MOGAT1: variants seen among roughly 807,000 people sequenced by gnomAD.
MOGAT1 encodes the protein 2-acylglycerol O-acyltransferase 1.
In MOGAT1, 32 loss-of-function variants were observed where a neutral mutation model predicts 31.4. The ratio of observed to expected loss-of-function variants is 1.02; its 90% CI spans 0.77 to 1.37. The LOEUF (loss-of-function observed/expected upper bound fraction) is 1.37. Among genes scored for constraint, MOGAT1 ranks in the 40% most tolerant of loss-of-function variants. The pLI, the probability that MOGAT1 is intolerant of heterozygous loss-of-function variation, is 0.00. For missense variants in MOGAT1, 426 were observed against 402.0 expected (o/e 1.06, Z -0.51); for synonymous variants, 145 against 144.5 (o/e 1.00, Z -0.03).
At chr2:222,677,688 G>A (rs1692519819) in intron 1 of MOGAT1, 8 of 422,874 alleles carry the variant, frequency 1.9e-5, no homozygotes, top group South Asian at 3.9e-5. Flanking sequence ...AAATGACACA[G>A]TAGCAGCCTT....
chr2:222,676,694 A>T (rs1043091724), intron 1 of MOGAT1, among the ~76,000 whole-genome samples: 1 of 152,206 alleles, frequency 6.6e-6, no homozygotes, highest in African/African-American at 2.4e-5. Context: ...ATCATTTTAC[A>T]TTCTCACTGG....
intron 5 of MOGAT1, among the ~76,000 whole-genome samples, chr2:222,696,756 T>C (rs1300869262): frequency 3.3e-5 from 5 of 151,920 alleles, no homozygotes; most frequent in Admixed American, 1.3e-4. Context: ...TACTGAGGAG[T>C]TGGCCAAGTG....
intron 5 of MOGAT1, among the ~76,000 whole-genome samples, chr2:222,708,295 G>A (rs1693037057): frequency 6.6e-6 from 1 of 152,062 alleles, no homozygotes; most frequent in South Asian, 2.1e-4. Context: ...TGCTGGTCAG[G>A]CTAGTATCGA....
At chr2:222,700,563 T>C (rs1395158172) in intron 5 of MOGAT1, among the ~76,000 whole-genome samples, 1 of 152,230 alleles carries the variant, frequency 6.6e-6, no homozygotes, top group African/African-American at 2.4e-5. Flanking sequence ...ATATGTTTTG[T>C]ATATGTTTCA....
At chr2:222,677,735 A>T (rs1692520359) in intron 1 of MOGAT1, 3 of 394,714 alleles carry the variant, frequency 7.6e-6, no homozygotes, top group Middle Eastern at 9.5e-4. Flanking sequence ...TCTGGTGAAG[A>T]AGGAAGTTAC....
chr2:222,686,138 C>G (rs28439924), intron 1 of MOGAT1, among the ~76,000 whole-genome samples: 1 of 152,140 alleles, frequency 6.6e-6, no homozygotes. Context: ...TTTATGCTTA[C>G]GAACCTGCTT....
intron 5 of MOGAT1, among the ~76,000 whole-genome samples, chr2:222,696,468 T>A (rs1692837196): frequency 6.6e-6 from 1 of 152,130 alleles, no homozygotes; most frequent in Admixed American, 6.5e-5. Context: ...TTTGCAGGAG[T>A]AAGGTGGTAT....
At chr2:222,700,711 C>A (rs1692906482) in intron 5 of MOGAT1, among the ~76,000 whole-genome samples, 1 of 152,102 alleles carries the variant, frequency 6.6e-6, no homozygotes, top group African/African-American at 2.4e-5. Context: ...GAGGATAGAA[C>A]ATTTACAATT....
intron 5 of MOGAT1, among the ~76,000 whole-genome samples, chr2:222,709,175 G>A (rs185607188): frequency 1.5e-4 from 23 of 152,178 alleles, no homozygotes; most frequent in Non-Finnish European, 3.2e-4. Flanking sequence ...AAAATTAGCC[G>A]GGCATGGTGG....
At chr2:222,690,077 A>G (rs902574923) in intron 3 of MOGAT1, among the ~76,000 whole-genome samples, 3 of 152,134 alleles carry the variant, frequency 2.0e-5, no homozygotes, top group African/African-American at 7.2e-5. Context: ...CCACATGGCA[A>G]AACCCTGTCT....
intron 3 of MOGAT1, among the ~76,000 whole-genome samples, chr2:222,691,617 T>G (rs947839293): frequency 2.0e-5 from 3 of 152,208 alleles, no homozygotes; most frequent in East Asian, 1.9e-4. Context: ...TGGACTATCC[T>G]TGTTTCTAAG....
Position 222,671,766 on chromosome 2 carries a change from C to T in MOGAT1, c.-20C>T, listed in dbSNP as rs961909302. ...GGGTGCAGGCTGCAGTGGCTGGCGC[C>T]GTCCTCGCCCGGCCAGGCCATGAAG... On this transcript the variant is annotated 5_prime_UTR_variant, in exon 1 of 6. Transcript: ENST00000446656. 3 of 1,545,822 alleles carry T rather than the reference C, an allele frequency of 1.9e-6. No individual in the cohort carries two copies. The highest frequency in any genetic ancestry group is 1.4e-5 in the African/African-American group (1 of 72,962).
At chr2:222,675,044 G>A (rs1370976560) in intron 1 of MOGAT1, among the ~76,000 whole-genome samples, 1 of 152,206 alleles carries the variant, frequency 6.6e-6, no homozygotes, top group Non-Finnish European at 1.5e-5. Context: ...TGGTTTTTAT[G>A]TCTTTCAGGT....
chr2:222,709,832 T>G lies in MOGAT1; in HGVS notation c.950T>G (p.Phe317Cys). 1 of 1,613,596 alleles carries G rather than the reference T, an allele frequency of 6.2e-7. No individual in the cohort carries two copies. Among genetic ancestry groups the G allele is most frequent in the Non-Finnish European group, 8.5e-7 (1 of 1,179,708 alleles). Residue 317 changes from phenylalanine to cysteine, a missense_variant, in exon 6 of 6, where the codon TTT (phenylalanine) becomes TGT (cysteine). Transcript: ENST00000446656. ...QTYMEELRKL[F>C]EEHKGKYGIP... ...TATATGGAGGAACTTAGGAAATTGT[T>G]TGAGGAACACAAAGGAAAGTATGGC...
intron 5 of MOGAT1, among the ~76,000 whole-genome samples, chr2:222,699,671 T>G (rs1218989621): frequency 2.0e-5 from 3 of 151,962 alleles, no homozygotes; most frequent in African/African-American, 7.3e-5. Flanking sequence ...TACTTTGTTT[T>G]GTATTTTTAG....
In MOGAT1 at chr2:222,688,382, C is replaced by A; in HGVS notation, c.133C>A (p.His45Asn). The A allele has an allele frequency of 6.2e-7, 1 of 1,612,744 alleles. No individual in the cohort carries two copies. ...TGGAATCACTGTGATGCTGATCATACACAACTATTTGTTCCTTTACATCCC... is the reference window on the plus strand; with the variant it reads ...TGGAATCACTGTGATGCTGATCATAAACAACTATTTGTTCCTTTACATCCC... ...SIGITVMLII[H>N]NYLFLYIPYL... The change falls in exon 2 of 6, where the codon CAC (histidine) becomes AAC (asparagine). Residue 45 changes from histidine to asparagine, a missense_variant. Physicochemically the swap from His to Asn is moderately conservative, Grantham distance 68. Coordinates refer to ENST00000446656, the MANE Select transcript of MOGAT1 (RefSeq NM_058165.3).
At chr2:222,704,626 GAAA>G (rs796340274) in intron 5 of MOGAT1, among the ~76,000 whole-genome samples, 1 of 130,964 alleles carries the variant, frequency 7.6e-6, no homozygotes, top group Non-Finnish European at 1.7e-5. Context: ...TCCGTCTCCA[GAAA>G]AAAAAAAAAA....
intron 1 of MOGAT1, among the ~76,000 whole-genome samples, chr2:222,679,676 G>A (rs1692550233): frequency 1.3e-5 from 2 of 152,198 alleles, no homozygotes; most frequent in South Asian, 4.1e-4. Flanking sequence ...GAATCCACAT[G>A]TTGTATTTAG....
At chr2:222,672,893 T>TTATTATTAC (rs1692441066) in intron 1 of MOGAT1, among the ~76,000 whole-genome samples, 1 of 110,820 alleles carries the variant, frequency 9.0e-6, no homozygotes, top group Non-Finnish European at 2.0e-5. Flanking sequence ...AATTTGTTTA[T>TTATTATTAC]TATTATTATT....
Sources: allele counts gnomAD v4.1 joint callset (sites outside exome capture counted in the v4.1 genomes callset), GRCh38; gene constraint gnomAD v4.1.1; transcripts MANE v1.5; gene names NCBI Gene and HGNC (gene_info 2026-07-23, HGNC 2026-07-21).